CCDC191: variants seen among roughly 807,000 people sequenced by gnomAD.
CCDC191 encodes the protein coiled-coil domain containing 191.
A neutral mutation model predicts 114.0 loss-of-function variants in CCDC191; 99 were observed. The ratio of observed to expected loss-of-function variants is 0.87; its 90% CI spans 0.74 to 1.03. CCDC191 has a LOEUF of 1.03. CCDC191 is among the 50% of genes least tolerant of loss of function. CCDC191 has a pLI of 0.00. For synonymous variants in CCDC191, 351 were observed against 376.0 expected, an observed-to-expected ratio of 0.93 and a Z score of 0.77; for missense variants, 973 against 1,087.0, an observed-to-expected ratio of 0.90 and a Z score of 1.47.
At chr3:114,013,708 C>G (rs2076111730) in intron 8 of CCDC191, among the ~76,000 whole-genome samples, 1 of 152,148 alleles carries the variant, frequency 6.6e-6, no homozygotes, top group Non-Finnish European at 1.5e-5. Flanking sequence ...AAGGCAGGCT[C>G]TGCTCATCTA....
At chr3:114,006,121 C>T (rs183385226) in intron 9 of CCDC191, 159 bp from the exon 10 acceptor site, 6 of 719,180 alleles carry the variant, frequency 8.3e-6, no homozygotes, top group Non-Finnish European at 2.5e-6. Context: ...CAGAGGCCAC[C>T]ACTCTTAAAA....
Position 113,978,204 on chromosome 3 carries a change from G to A in CCDC191, c.2588C>T (p.Ala863Val). ...KIDSQGKHEI[A>V]AEHSDRRILW... ...ACCTCACCTGTCACTGTGCTCCGCT[G>A]CAATCTCATGCTTGCCCTGAGAATC... Residue 863 changes from alanine (A) to valine (V), a missense_variant, in exon 16 of 17, where the codon GCA (alanine) becomes GTA (valine). Ala to Val is a moderately conservative substitution (Grantham distance 64). Transcript: ENST00000295878. The A allele has an allele frequency of 6.2e-7, 1 of 1,613,978 alleles. No homozygotes were observed. Among genetic ancestry groups the A allele is most frequent in the Non-Finnish European group, 8.5e-7 (1 of 1,179,924 alleles).
chr3:114,036,451 C>T (rs544131654), intron 5 of CCDC191, among the ~76,000 whole-genome samples, 157 bp downstream of exon 5: 50 of 152,028 alleles, frequency 3.3e-4, no homozygotes, highest in Middle Eastern at 6.8e-3. Flanking sequence ...AATTATTTTT[C>T]TTCTGAAGTT....
chr3:114,016,028 C>A (rs2076152612), intron 8 of CCDC191, among the ~76,000 whole-genome samples: 1 of 152,210 alleles, frequency 6.6e-6, no homozygotes. Context: ...AAGAAAAAAG[C>A]CCACAAGTCT....
At position 114,056,517 on chromosome 3, in the gene CCDC191, T is replaced by C; in HGVS notation, c.-51A>G. 1 of 1,612,986 alleles carries C rather than the reference T, an allele frequency of 6.2e-7. No homozygotes were observed. Among genetic ancestry groups the C allele is most frequent in the Non-Finnish European group, 8.5e-7 (1 of 1,179,984 alleles). On this transcript the variant is annotated 5_prime_UTR_variant, in exon 1 of 17. Transcript: ENST00000295878. ...GCCAAAGCTGCAGCAACCGCCCTTC[T>C]GCCCGGGCTGCCTCCGGGTCACGCT...
At chr3:114,016,362 T>C (rs1431885545) in intron 8 of CCDC191, among the ~76,000 whole-genome samples, 2 of 152,206 alleles carry the variant, frequency 1.3e-5, no homozygotes, top group South Asian at 2.1e-4. Context: ...CCTGACTTGC[T>C]TATTATTCAA....
intron 16 of CCDC191, among the ~76,000 whole-genome samples, chr3:113,973,115 G>C (rs543203721): frequency 7.2e-4 from 110 of 152,192 alleles, no homozygotes; most frequent in African/African-American, 2.5e-3. Flanking sequence ...TGGTTGTTTT[G>C]TAACTCCTGT....
intron 3 of CCDC191, among the ~76,000 whole-genome samples, chr3:114,045,978 G>A (rs964254177): frequency 6.6e-6 from 1 of 152,174 alleles, no homozygotes; most frequent in Non-Finnish European, 1.5e-5. Context: ...CAGAGTATAT[G>A]TGTGTTGAAT....
chr3:114,041,736 A>C (rs1429338803), intron 4 of CCDC191, among the ~76,000 whole-genome samples: 1 of 152,138 alleles, frequency 6.6e-6, no homozygotes, highest in East Asian at 1.9e-4. Flanking sequence ...GAATTCACCA[A>C]GGGTATCTGA....
intron 2 of CCDC191, among the ~76,000 whole-genome samples, chr3:114,052,803 TG>T (rs2076713876): frequency 2.0e-5 from 3 of 152,250 alleles, no homozygotes; most frequent in Admixed American, 2.0e-4. Flanking sequence ...ATCTGGGATC[TG>T]GTGCTCATGA....
Position 114,046,654 on chromosome 3 carries a change from C to T in CCDC191, c.208G>A (p.Gly70Ser), listed in dbSNP as rs556470041. Reference protein sequence around the residue: ...RNSDLPRSPWGQITDLKTSEQ... With the variant: ...RNSDLPRSPWSQITDLKTSEQ... ...GATGTTTTCAAATCTGTGATTTGGCCCCAGGGACTTCTAGGTAAATCTGAA... is the reference window on the plus strand; with the variant it reads ...GATGTTTTCAAATCTGTGATTTGGCTCCAGGGACTTCTAGGTAAATCTGAA... Residue 70 changes from glycine (G) to serine (S), a missense_variant, in exon 3 of 17, where the codon GGC (glycine) becomes AGC (serine). Transcript: ENST00000295878. 9.9e-6 allele frequency: 16 copies of T among 1,612,502 alleles called. No individual in the cohort carries two copies. The highest frequency in any genetic ancestry group is 1.3e-5 in the Non-Finnish European group (15 of 1,178,754).
chr3:114,001,638 G>A lies in CCDC191; in HGVS notation c.2120C>T (p.Ala707Val), dbSNP rs751001031. ...CTCTTCTCGTTTTCTTTCAAGCTGT[G>A]CCTCCTTTTCTTCTGCCTCCCTTTT... is the stretch of plus-strand genomic sequence containing the variant. ...RQKREAEEKEAQLERKREEKR... is the reference protein window; with the variant it reads ...RQKREAEEKEVQLERKREEKR... Residue 707 changes from alanine to valine, a missense_variant, in exon 13 of 17, where the codon GCA (alanine) becomes GTA (valine). Coordinates refer to ENST00000295878, the MANE Select transcript of CCDC191 (RefSeq NM_020817.2). 1.2e-6 allele frequency: 2 copies of A among 1,613,730 alleles called. No individual in the cohort carries two copies. Among genetic ancestry groups the A allele is most frequent in the Non-Finnish European group, 1.7e-6 (2 of 1,179,706 alleles).
At chr3:114,039,336 T>G (rs1401914446) in intron 4 of CCDC191, 1 of 151,904 alleles carries the variant, frequency 6.6e-6, no homozygotes, top group Non-Finnish European at 1.5e-5. Flanking sequence ...CAAGACCCTG[T>G]TTCTTTTAAA....
chr3:114,029,303 A>G (rs2076370755), intron 7 of CCDC191, among the ~76,000 whole-genome samples: 1 of 152,200 alleles, frequency 6.6e-6, no homozygotes, highest in Non-Finnish European at 1.5e-5. Flanking sequence ...AACAACAACA[A>G]TATTAGATTA....
intron 9 of CCDC191, among the ~76,000 whole-genome samples, chr3:114,010,551 G>C (rs887295056): frequency 4.6e-5 from 7 of 152,080 alleles, no homozygotes; most frequent in African/African-American, 1.7e-4. Context: ...ATGCCCTTTC[G>C]ATATTAAATC....
At chr3:113,987,456 A>G (rs976032129) in intron 13 of CCDC191, among the ~76,000 whole-genome samples, 3 of 152,254 alleles carry the variant, frequency 2.0e-5, no homozygotes, top group Non-Finnish European at 2.9e-5. Flanking sequence ...TATAGTATAC[A>G]TAAAAATATG....
intron 6 of CCDC191, among the ~76,000 whole-genome samples, chr3:114,032,344 T>C (rs946061831): frequency 3.3e-5 from 5 of 152,232 alleles, no homozygotes; most frequent in Non-Finnish European, 7.4e-5. Flanking sequence ...TTAGTAACTT[T>C]GTTGCTCATC....
chr3:114,024,970 T>C (rs1016715748), intron 7 of CCDC191, among the ~76,000 whole-genome samples: 1 of 152,184 alleles, frequency 6.6e-6, no homozygotes, highest in African/African-American at 2.4e-5. Flanking sequence ...TTCATAATTT[T>C]ACCCCAAAGA....
chr3:114,014,785 A>T (rs893761405), intron 8 of CCDC191, among the ~76,000 whole-genome samples: 1 of 152,138 alleles, frequency 6.6e-6, no homozygotes, highest in Non-Finnish European at 1.5e-5. Flanking sequence ...ATAATGAAGG[A>T]TGTCATTCAT....
Sources: allele counts gnomAD v4.1 joint callset (sites outside exome capture counted in the v4.1 genomes callset), GRCh38; gene constraint gnomAD v4.1.1; transcripts MANE v1.5; gene names NCBI Gene and HGNC (gene_info 2026-07-23, HGNC 2026-07-21).